The following CCDC171 variants were observed in gnomAD, a reference collection of about 807,000 sequenced individuals.
CCDC171 encodes coiled-coil domain containing 171.
CCDC171 carries 177 observed loss-of-function variants against 168.2 expected under a neutral mutation model. The ratio of observed to expected loss-of-function variants is 1.05; its 90% CI spans 0.93 to 1.19. CCDC171 has a LOEUF of 1.19. Among genes scored for constraint, CCDC171 ranks in the 50% most tolerant of loss-of-function variants. CCDC171 has a pLI of 0.00. For synonymous variants in CCDC171, 687 were observed against 540.8 expected (o/e 1.27, Z -3.75); for missense variants, 1,991 against 1,539.0 (o/e 1.29, Z -4.91).
intron 24 of CCDC171, among the ~76,000 whole-genome samples, chr9:15,908,899 G>T (rs1823175508): frequency 6.6e-6 from 1 of 152,148 alleles, no homozygotes. Flanking sequence ...CCTCCCACCA[G>T]GTCCCGCTTC....
At chr9:15,943,713 C>G (rs561283685) in intron 25 of CCDC171, among the ~76,000 whole-genome samples, 1 of 152,036 alleles carries the variant, frequency 6.6e-6, no homozygotes, top group African/African-American at 2.4e-5. Context: ...CTCTTCCCAT[C>G]TTTTATGCAG....
the CCDC171 span, among the ~76,000 whole-genome samples, chr9:16,070,809 C>G: frequency 1.3e-5 from 2 of 152,250 alleles, no homozygotes; most frequent in African/African-American, 4.8e-5. Flanking sequence ...CTCTCCACCT[C>G]TCTGACCGCA....
chr9:15,780,402 A>G (rs917563304), intron 20 of CCDC171, among the ~76,000 whole-genome samples: 5 of 146,974 alleles, frequency 3.4e-5, no homozygotes, highest in Admixed American at 6.6e-5. Flanking sequence ...GAAAGTTTAG[A>G]CTGGGTATGG....
At chr9:16,107,148 C>A in the CCDC171 span, among the ~76,000 whole-genome samples, 2 of 152,104 alleles carry the variant, frequency 1.3e-5, no homozygotes, top group African/African-American at 4.8e-5. Context: ...TAATCACCCT[C>A]ATATATGAAT....
At chr9:15,746,304 G>A (rs7467207) in intron 18 of CCDC171, among the ~76,000 whole-genome samples, 72,246 of 151,648 alleles carry the variant, frequency 0.48, 17,491 homozygotes, top group African/African-American at 0.52. Context: ...AAGCCTATAT[G>A]TAATGATAAT....
chr9:15,941,010 C>G lies in CCDC171; in HGVS notation c.3753+20588C>G, dbSNP rs189164931. 2.0e-5 allele frequency among the ~76,000 whole-genome samples: 3 copies of G among 152,052 alleles called. No homozygotes were observed. The East Asian group carries it at 5.8e-4, about 30-fold the overall frequency. On this transcript the variant is annotated intron_variant, in intron 25 of 25. Transcript: ENST00000380701. ...ATAATCTCTAAGGTGCCTTCTGGTA[C>G]TAAACAAGTGTTTTCTCATTCACTT...
At chr9:15,600,854 C>A (rs946042628) in intron 6 of CCDC171, among the ~76,000 whole-genome samples, 1 of 152,248 alleles carries the variant, frequency 6.6e-6, no homozygotes, top group African/African-American at 2.4e-5. Flanking sequence ...CCTCCCCCAG[C>A]CTCGCTGCCA....
intron 3 of CCDC171, among the ~76,000 whole-genome samples, chr9:16,010,884 A>G (rs1033260522): frequency 2.6e-5 from 4 of 152,124 alleles, no homozygotes; most frequent in African/African-American, 9.7e-5. Context: ...AGAAGAGGGC[A>G]TTAGGATGAG....
intron 23 of CCDC171, among the ~76,000 whole-genome samples, chr9:15,871,072 A>G (rs2131170934): frequency 6.6e-6 from 1 of 151,712 alleles, no homozygotes; most frequent in African/African-American, 2.4e-5. Context: ...AGCATGTAAT[A>G]AGAAAGGGAG....
chr9:15,694,786 C>A (rs1410165893), intron 10 of CCDC171, among the ~76,000 whole-genome samples: 2 of 152,344 alleles, frequency 1.3e-5, no homozygotes, highest in East Asian at 3.9e-4. Flanking sequence ...ATACCCTAGA[C>A]CAAAGTACTG....
At chr9:15,817,933 G>A (rs2059620760) in intron 21 of CCDC171, among the ~76,000 whole-genome samples, 1 of 118,060 alleles carries the variant, frequency 8.5e-6, no homozygotes, top group Admixed American at 8.0e-5. Context: ...ACCTAGCTGG[G>A]AGGCATCCCC....
At chr9:15,942,606 A>G (rs766592816) in intron 25 of CCDC171, among the ~76,000 whole-genome samples, 2 of 151,970 alleles carry the variant, frequency 1.3e-5, no homozygotes, top group Non-Finnish European at 2.9e-5. Flanking sequence ...ATATACTAGT[A>G]GACAATCTGT....
chr9:15,728,415 G>A (rs2053952092), intron 15 of CCDC171, among the ~76,000 whole-genome samples: 1 of 152,094 alleles, frequency 6.6e-6, no homozygotes, highest in Admixed American at 6.6e-5. Context: ...GCAGGATATA[G>A]TTATTCAAAA....
intron 16 of CCDC171, among the ~76,000 whole-genome samples, chr9:15,740,530 GT>G (rs2054801631): frequency 6.6e-6 from 1 of 152,032 alleles, no homozygotes. Flanking sequence ...TGCTTTTCAG[GT>G]TCATGCAGTT....
intron 21 of CCDC171, among the ~76,000 whole-genome samples, chr9:15,807,306 C>A (rs181404429): frequency 6.6e-6 from 1 of 152,268 alleles, no homozygotes. Flanking sequence ...ATTTGATTTC[C>A]CAGAGTTCTT....
intron 7 of CCDC171, among the ~76,000 whole-genome samples, chr9:15,650,040 A>G (rs2047381818): frequency 6.6e-6 from 1 of 152,210 alleles, no homozygotes; most frequent in Non-Finnish European, 1.5e-5. Flanking sequence ...AAAATGTGGC[A>G]GATATACACC....
At chr9:15,963,643 G>A (rs868182856) in intron 25 of CCDC171, among the ~76,000 whole-genome samples, 1 of 152,182 alleles carries the variant, frequency 6.6e-6, no homozygotes, top group Non-Finnish European at 1.5e-5. Context: ...TAATTGGGAT[G>A]TGTTGCATTG....
chr9:15,938,372 A>G (rs961116), intron 25 of CCDC171, among the ~76,000 whole-genome samples: 23,863 of 151,766 alleles, frequency 0.16, 1,901 homozygotes, highest in Middle Eastern at 0.24. Flanking sequence ...CTCTGTGCAT[A>G]CACTATTAAT....
chr9:15,711,256 G>A (rs995694928), intron 11 of CCDC171, among the ~76,000 whole-genome samples: 14 of 152,290 alleles, frequency 9.2e-5, no homozygotes, highest in South Asian at 4.1e-4. Flanking sequence ...TTGAAGGCTT[G>A]ATTAAGGCTT....
Sources: gnomAD v4.1 joint callset for allele counts (sites outside exome capture counted in the v4.1 genomes callset) on GRCh38, gnomAD v4.1.1 for gene constraint, MANE v1.5 for transcripts, NCBI Gene and HGNC (gene_info 2026-07-23, HGNC 2026-07-21) for gene names.